Variants in ADCK1 observed in about 807,000 individuals in gnomAD.
The protein encoded by ADCK1 is aarF domain containing kinase 1.
In ADCK1, 41 loss-of-function variants were observed where a neutral mutation model predicts 52.3. The ratio of observed to expected loss-of-function variants is 0.78; its 90% CI spans 0.61 to 1.02. The LOEUF (loss-of-function observed/expected upper bound fraction) is 1.02. Among genes scored for constraint, ADCK1 ranks in the 50% least tolerant of loss-of-function variants. ADCK1 has a pLI of 0.00. For synonymous variants in ADCK1, 250 were observed against 274.6 expected (o/e 0.91, Z 0.89); for missense variants, 658 against 679.5 (o/e 0.97, Z 0.35).
At chr14:77,896,540 A>G (rs1380086838) in intron 5 of ADCK1, among the ~76,000 whole-genome samples, 2 of 152,230 alleles carry the variant, frequency 1.3e-5, no homozygotes, top group African/African-American at 4.8e-5. Context: ...GGTGACTTAG[A>G]TGGCATGGCT....
At chr14:77,888,267 T>G (rs1312144100) in intron 5 of ADCK1, among the ~76,000 whole-genome samples, 2 of 152,068 alleles carry the variant, frequency 1.3e-5, no homozygotes, top group African/African-American at 4.8e-5. Flanking sequence ...CTTGGATAAC[T>G]TCGACCTGTT....
At chr14:77,837,733 C>T (rs753219779) in intron 3 of ADCK1, among the ~76,000 whole-genome samples, 5 of 152,184 alleles carry the variant, frequency 3.3e-5, no homozygotes, top group African/African-American at 9.7e-5. Flanking sequence ...TGTCAAGCCT[C>T]GAGACATCAG....
chr14:77,832,680 G>A (rs1156924468), intron 3 of ADCK1, among the ~76,000 whole-genome samples: 1 of 152,138 alleles, frequency 6.6e-6, no homozygotes, highest in African/African-American at 2.4e-5. Context: ...TGGAGGGGAG[G>A]GTAGACCCTT....
intron 6 of ADCK1, among the ~76,000 whole-genome samples, chr14:77,901,632 C>T (rs78582784): frequency 0.032 from 4,881 of 151,668 alleles, 150 homozygotes; most frequent in South Asian, 0.12. Flanking sequence ...TCAAATGATC[C>T]GCCTGCCTCG....
At chr14:77,807,633 C>T (rs1002542993) in intron 1 of ADCK1, among the ~76,000 whole-genome samples, 5 of 151,858 alleles carry the variant, frequency 3.3e-5, no homozygotes, top group Non-Finnish European at 5.9e-5. Flanking sequence ...CCTCAGCCTC[C>T]CGAGTAGCTG....
At chr14:77,892,875 C>A (rs553580278) in intron 5 of ADCK1, among the ~76,000 whole-genome samples, 82 of 152,254 alleles carry the variant, frequency 5.4e-4, no homozygotes, top group African/African-American at 1.8e-3. Context: ...CCTCCAATAG[C>A]ATGTACTACC....
Position 77,819,065 on chromosome 14 carries a change from G to T in ADCK1, c.87G>T (p.Leu29Phe). The T allele has an allele frequency of 6.2e-7, 1 of 1,614,176 alleles. No homozygotes were observed. ...SGIYFYSNKY[L>F]DPNDFGAVRV... ...TCTACTTCTACAGTAACAAGTACTT[G>T]GACCCTAATGACTTTGGCGCTGTCA... The change falls in exon 2 of 11, where the codon TTG becomes TTT. Residue 29 changes from leucine (L) to phenylalanine (F), a missense_variant. By Grantham distance (22) the Leu-to-Phe change is conservative. Coordinates refer to ENST00000238561, the MANE Select transcript of ADCK1 (RefSeq NM_020421.4).
chr14:77,929,243 T>C (rs2084267319), intron 9 of ADCK1, among the ~76,000 whole-genome samples: 1 of 152,172 alleles, frequency 6.6e-6, no homozygotes, highest in Admixed American at 6.5e-5. Context: ...GGCTTAAACA[T>C]AAGGAATTTG....
intron 6 of ADCK1, among the ~76,000 whole-genome samples, chr14:77,903,805 G>A (rs1281700485): frequency 6.6e-6 from 1 of 152,092 alleles, no homozygotes; most frequent in Non-Finnish European, 1.5e-5. Context: ...CATGCTTTTT[G>A]GGAAGTATGA....
chr14:77,818,384 C>A (rs1283373668), intron 1 of ADCK1, among the ~76,000 whole-genome samples: 2 of 152,102 alleles, frequency 1.3e-5, no homozygotes, highest in Non-Finnish European at 2.9e-5. Flanking sequence ...CGGGCTCAAA[C>A]CATCCTCCCA....
chr14:77,814,426 G>GAAAAA (rs113468969), intron 1 of ADCK1, among the ~76,000 whole-genome samples: 1 of 145,210 alleles, frequency 6.9e-6, no homozygotes, highest in Non-Finnish European at 1.5e-5. Flanking sequence ...TCTCTTTACT[G>GAAAAA]AAAAAAAAAA....
Position 77,834,025 on chromosome 14 carries a change from T to C in ADCK1, c.219+11507T>C, listed in dbSNP as rs139940698. ...GCCCAATTTCAGAAATAGTACACTT[T>C]ACCCATGCAGTTATAGCCCGTGGGT... On this transcript the variant is annotated intron_variant, in intron 3 of 10. Transcript: ENST00000238561. Among the ~76,000 whole-genome samples, 4 of 152,338 alleles carry C rather than the reference T, an allele frequency of 2.6e-5. No homozygotes were observed. The East Asian group carries it at 5.8e-4, about 22-fold the overall frequency.
chr14:77,855,313 ATCT>A (rs2082395121), intron 3 of ADCK1, among the ~76,000 whole-genome samples: 1 of 152,252 alleles, frequency 6.6e-6, no homozygotes, highest in Admixed American at 6.5e-5. Flanking sequence ...ACCCCATGTA[ATCT>A]TCGTAGCAGC....
chr14:77,932,496 T>C (rs2084364910), intron 10 of ADCK1, among the ~76,000 whole-genome samples: 1 of 152,178 alleles, frequency 6.6e-6, no homozygotes, highest in Non-Finnish European at 1.5e-5. Flanking sequence ...CTCTGGATGA[T>C]TGTTCTCACT....
At chr14:77,865,651 G>T in intron 4 of ADCK1, among the ~76,000 whole-genome samples, 1 of 152,278 alleles carries the variant, frequency 6.6e-6, no homozygotes, top group South Asian at 2.1e-4. Flanking sequence ...GCTTTCACAC[G>T]GCCTGGAGCT....
At chr14:77,907,638 G>A (rs968855754) in intron 6 of ADCK1, among the ~76,000 whole-genome samples, 165 bp from the exon 7 acceptor site, 11 of 152,214 alleles carry the variant, frequency 7.2e-5, no homozygotes, top group Non-Finnish European at 1.6e-4. Context: ...CTCCCTCTTG[G>A]CCTGGCTGTC....
At chr14:77,843,814 T>C (rs1307254369) in intron 3 of ADCK1, among the ~76,000 whole-genome samples, 1 of 152,218 alleles carries the variant, frequency 6.6e-6, no homozygotes, top group African/African-American at 2.4e-5. Flanking sequence ...AACTCTGTTC[T>C]CTATTAAAAT....
intron 3 of ADCK1, among the ~76,000 whole-genome samples, chr14:77,824,439 T>TC (rs904119164): frequency 2.7e-5 from 4 of 149,168 alleles, no homozygotes; most frequent in Admixed American, 6.7e-5. Context: ...TTTCTTTCTT[T>TC]TTTTTTTTTT....
At chr14:77,872,321 A>G (rs1178863391) in intron 4 of ADCK1, among the ~76,000 whole-genome samples, 4 of 152,110 alleles carry the variant, frequency 2.6e-5, no homozygotes, top group African/African-American at 9.7e-5. Flanking sequence ...AGAGACACAC[A>G]CTTCAGTCAC....
Sources: gnomAD v4.1 joint callset for allele counts (sites outside exome capture counted in the v4.1 genomes callset) on GRCh38, gnomAD v4.1.1 for gene constraint, MANE v1.5 for transcripts, NCBI Gene and HGNC (gene_info 2026-07-23, HGNC 2026-07-21) for gene names.